Variants in NOTCH2 observed in about 807,000 individuals in gnomAD.
NOTCH2 encodes notch receptor 2, also known as neurogenic locus notch homolog protein 2.
Under a neutral mutation model 235.8 loss-of-function variants are expected in NOTCH2, and 29 were observed. The observed-to-expected ratio is 0.12, with a 90% CI of 0.09 to 0.17. NOTCH2 has a LOEUF of 0.17. NOTCH2 is among the 10% of genes least tolerant of loss of function. The pLI is 1.00. For missense variants in NOTCH2, 2,285 were observed against 3,150.2 expected (o/e 0.73, Z 6.57); for synonymous variants, 1,086 against 1,141.5 (o/e 0.95, Z 0.98).
At chr1:119,944,604 A>G (rs2101109595) in intron 17 of NOTCH2, among the ~76,000 whole-genome samples, 1 of 152,076 alleles carries the variant, frequency 6.6e-6, no homozygotes, top group Admixed American at 6.6e-5. Context: ...AAATCAGTGG[A>G]AAGAGGATAT....
At chr1:120,001,570 T>A (rs1232832235) in intron 3 of NOTCH2, among the ~76,000 whole-genome samples, 4 of 152,078 alleles carry the variant, frequency 2.6e-5, no homozygotes, top group African/African-American at 9.7e-5. Context: ...ACACTGCACC[T>A]TTGATATGGC....
In NOTCH2 at chr1:119,923,738, T is replaced by A. The variant is rs587597840; in HGVS notation, c.4758A>T (p.Glu1586Asp). 1.2e-5 allele frequency: 19 copies of A among 1,614,048 alleles called. No individual in the cohort carries two copies. The highest frequency in any genetic ancestry group is 1.5e-5 in the Non-Finnish European group (18 of 1,180,026). The part of the protein sequence containing the change: ...NLRIKRDSQG[E>D]LMVYPYYGEK... Reference sequence around the variant, plus strand: ...CACCATAATAGGGGTACACCATGAGTTCCCCCTGGGAGTCCCGCTTAATGC... The same window carrying A: ...CACCATAATAGGGGTACACCATGAGATCCCCCTGGGAGTCCCGCTTAATGC... The change falls in exon 26 of 34, where the codon GAA (glutamate) becomes GAT (aspartate). Residue 1586 changes from glutamate to aspartate, a missense_variant. Around this residue, in one of 6 missense-constraint regions of NOTCH2, gnomAD observed 1,173 missense variants for 1,515.3 expected, o/e 0.77. Coordinates refer to ENST00000256646, the MANE Select transcript of NOTCH2 (RefSeq NM_024408.4).
In NOTCH2 at chr1:119,929,232, T is replaced by G. The variant is rs1432894885; in HGVS notation, c.3656-20A>C. 2 of 1,594,478 alleles carry G rather than the reference T, an allele frequency of 1.3e-6. No individual in the cohort carries two copies. Among genetic ancestry groups the G allele is most frequent in the Non-Finnish European group, 1.7e-6 (2 of 1,162,102 alleles). On this transcript the variant is annotated intron_variant, in intron 22 of 33. Coordinates refer to ENST00000256646, the MANE Select transcript of NOTCH2 (RefSeq NM_024408.4). Reference sequence around the variant, plus strand: ...GTAGGCCTGGAGGAAAGAGAAGAGGTACAGAATTATGAAAATCCTTTTAAC... The same window carrying G: ...GTAGGCCTGGAGGAAAGAGAAGAGGGACAGAATTATGAAAATCCTTTTAAC...
Position 119,940,615 on chromosome 1 carries a change from A to C in NOTCH2, c.3123T>G (p.Val1041=), listed in dbSNP as rs782150297. The C allele has an allele frequency of 7.4e-6, 12 of 1,614,100 alleles. No homozygotes were observed. The highest frequency in any genetic ancestry group is 1.0e-5 in the Non-Finnish European group (12 of 1,179,954). The change falls in exon 19 of 34, where the codon GTT becomes GTG. Residue 1041 remains valine (V), a synonymous_variant. Transcript: ENST00000256646. The stretch of plus-strand genomic sequence containing the variant: ...TGCAGCGGTAGGTACCCAGGCCATC[A>C]ACACACGTTCCCTCATTCAGGCATG... The part of the protein sequence containing the change: ...SHPCLNEGTC[V]DGLGTYRCSC...
intron 23 of NOTCH2, among the ~76,000 whole-genome samples, chr1:119,927,691 G>A (rs76896471): frequency 0.025 from 3,785 of 152,322 alleles, 75 homozygotes; most frequent in Non-Finnish European, 0.036. Flanking sequence ...GAAAGAAACA[G>A]GAGCCAGTTT....
intron 2 of NOTCH2, among the ~76,000 whole-genome samples, chr1:120,006,662 T>C (rs12092808): frequency 0.05 from 7,390 of 149,204 alleles, 509 homozygotes; most frequent in African/African-American, 0.17. Flanking sequence ...TTCCTCGTTT[T>C]AGTTTTCAGG....
Position 119,913,443 on chromosome 1 carries a change from C to A in NOTCH2, c.*1863G>T, listed in dbSNP as rs891965982. ...GAACTGTCATTCAAACCAAAAGAGTCGGGAATTCACCTGTTAATATCTACA... is the reference window on the plus strand; with the variant it reads ...GAACTGTCATTCAAACCAAAAGAGTAGGGAATTCACCTGTTAATATCTACA... On this transcript the variant is annotated 3_prime_UTR_variant, in exon 34 of 34. Coordinates refer to ENST00000256646, the MANE Select transcript of NOTCH2 (RefSeq NM_024408.4). 3 of 233,048 alleles carry A rather than the reference C, an allele frequency of 1.3e-5. No homozygotes were observed. Among genetic ancestry groups the A allele is most frequent in the African/African-American group, 2.2e-5 (1 of 45,290 alleles). The allele number at this position is 233,048 out of a possible 1,614,324, so 14.4% of individuals were successfully genotyped here.
chr1:120,009,845 T>C (rs202042793), intron 2 of NOTCH2, among the ~76,000 whole-genome samples: 1 of 149,674 alleles, frequency 6.7e-6, no homozygotes, highest in Non-Finnish European at 1.5e-5. Flanking sequence ...GCCACCCTAA[T>C]GTTTAAGTCT....
intron 28 of NOTCH2, 75 bp from the exon 29 acceptor site, chr1:119,921,884 A>C: frequency 8.2e-7 from 1 of 1,216,778 alleles, no homozygotes; most frequent in East Asian, 2.3e-5. Flanking sequence ...ACTTTCCACC[A>C]TGACACACTC....
In NOTCH2 at chr1:119,916,477, G is replaced by C. The variant is rs1360817753; in HGVS notation, c.6245C>G (p.Pro2082Arg). Residue 2082 changes from proline to arginine, a missense_variant, in exon 34 of 34, where the codon CCT becomes CGT. By Grantham distance (103) the Pro-to-Arg change is moderately radical. This residue lies in a region of NOTCH2 where 504 missense variants were observed against 538.0 expected (regional missense o/e 0.94). Coordinates refer to ENST00000256646, the MANE Select transcript of NOTCH2 (RefSeq NM_024408.4). The part of the protein sequence containing the change: ...PGTVLTSALS[P>R]VICGPNRSFL... ...AGATCTGTTGGGCCCACAGATGACA[G>C]GTGAGAGAGCAGAAGTCAACACGGT... The C allele has an allele frequency of 1.2e-6, 2 of 1,612,678 alleles. No individual in the cohort carries two copies. The highest frequency in any genetic ancestry group is 8.5e-7 in the Non-Finnish European group (1 of 1,178,880).
At chr1:119,945,336 A>G (rs1553196932) in intron 17 of NOTCH2, among the ~76,000 whole-genome samples, 1 of 152,152 alleles carries the variant, frequency 6.6e-6, no homozygotes, top group African/African-American at 2.4e-5. Context: ...ACAGAAGAAC[A>G]AAGATAAAGC....
intron 5 of NOTCH2, among the ~76,000 whole-genome samples, chr1:119,975,280 AGGAGTAG>A (rs1553200782): frequency 6.6e-6 from 1 of 152,150 alleles, no homozygotes; most frequent in Non-Finnish European, 1.5e-5. Context: ...TTGGTTTTGC[AGGAGTAG>A]GGTCACCTCC....
chr1:120,037,003 C>A (rs12042184), intron 1 of NOTCH2, among the ~76,000 whole-genome samples: 3 of 151,832 alleles, frequency 2.0e-5, no homozygotes, highest in Non-Finnish European at 2.9e-5. Flanking sequence ...GTAATCTGAG[C>A]AGCCTTCAAT....
chr1:119,938,005 C>T lies in NOTCH2; in HGVS notation c.3189G>A (p.Leu1063=). 6.2e-7 allele frequency: 1 copy of T among 1,614,144 alleles called. No individual in the cohort carries two copies. The highest frequency in any genetic ancestry group is 8.5e-7 in the Non-Finnish European group (1 of 1,180,006). The part of the protein sequence containing the change: ...LGYTGKNCQT[L]VNLCSRSPCK... ...ATGGAGACCGACTGCAGAGATTCAC[C>T]AGGGTCTGAAACAGAGGCAGGGGTG... is the stretch of plus-strand genomic sequence containing the variant. The change falls in exon 20 of 34, where the codon CTG becomes CTA. Residue 1063 remains leucine (L), a synonymous_variant. Coordinates refer to ENST00000256646, the MANE Select transcript of NOTCH2 (RefSeq NM_024408.4).
intron 19 of NOTCH2, 29 bp downstream of exon 19, chr1:119,940,526 G>A (rs1360298145): frequency 1.9e-6 from 3 of 1,597,890 alleles, no homozygotes; most frequent in Non-Finnish European, 2.6e-6. Flanking sequence ...CTCTAGGGGA[G>A]CTGAGTGAAT....
chr1:119,975,935 G>A (rs1311140556), intron 5 of NOTCH2, among the ~76,000 whole-genome samples: 2 of 152,154 alleles, frequency 1.3e-5, no homozygotes, highest in African/African-American at 4.8e-5. Flanking sequence ...ACAAGAGAAA[G>A]AAAGAAAAGA....
intron 19 of NOTCH2, among the ~76,000 whole-genome samples, chr1:119,940,079 A>G (rs1373989613): frequency 6.6e-6 from 1 of 152,210 alleles, no homozygotes; most frequent in Non-Finnish European, 1.5e-5. Context: ...CTAAAATTTA[A>G]TGGAAGTGTG....
chr1:120,069,068 G>C (rs1553217706), intron 1 of NOTCH2: 1 of 1,481,632 alleles, frequency 6.7e-7, no homozygotes, highest in African/African-American at 1.4e-5. Flanking sequence ...TCTGAGACTT[G>C]CTGCCGGCCT....
chr1:119,952,659 A>T (rs1250720210), intron 14 of NOTCH2, among the ~76,000 whole-genome samples: 1 of 152,152 alleles, frequency 6.6e-6, no homozygotes, highest in Non-Finnish European at 1.5e-5. Context: ...AGTGGCTATA[A>T]ATACAGATGA....
Sources: gnomAD v4.1 joint callset for allele counts (sites outside exome capture counted in the v4.1 genomes callset) on GRCh38, gnomAD v4.1.1 for gene constraint, gnomAD v4.1.1 regional missense constraint, MANE v1.5 for transcripts, NCBI Gene and HGNC (gene_info 2026-07-23, HGNC 2026-07-21) for gene names.